Variants in IMMP2L observed in about 807,000 individuals in gnomAD.
IMMP2L encodes the protein mitochondrial inner membrane protease subunit 2.
In IMMP2L, 18 loss-of-function variants were observed where a neutral mutation model predicts 19.3. The observed-to-expected ratio is 0.93, with a 90% CI of 0.64 to 1.38. IMMP2L has a LOEUF of 1.38. Among genes scored for constraint, IMMP2L ranks in the 40% most tolerant of loss-of-function variants. IMMP2L has a pLI of 0.00. For synonymous variants in IMMP2L, 76 were observed against 73.0 expected (o/e 1.04, Z -0.21); for missense variants, 233 against 218.2 (o/e 1.07, Z -0.43).
chr7:111,408,225 CCA>C (rs1834065806), intron 3 of IMMP2L, among the ~76,000 whole-genome samples: 1 of 149,492 alleles, frequency 6.7e-6, no homozygotes, highest in Non-Finnish European at 1.5e-5. Context: ...CAATAAGTGA[CCA>C]ACTTGCAACA....
At chr7:110,996,890 G>C (rs1465079454) in intron 3 of IMMP2L, among the ~76,000 whole-genome samples, 1 of 151,906 alleles carries the variant, frequency 6.6e-6, no homozygotes, top group African/African-American at 2.4e-5. Flanking sequence ...TTAGTTGTGA[G>C]TGTGTGTGTG....
intron 3 of IMMP2L, among the ~76,000 whole-genome samples, chr7:111,316,262 C>T (rs990803247): frequency 2.0e-5 from 3 of 151,916 alleles, no homozygotes; most frequent in Non-Finnish European, 4.4e-5. Flanking sequence ...GCATAAGAAG[C>T]ATAAAGAGTG....
chr7:110,910,129 C>A (rs1348257834), intron 4 of IMMP2L, among the ~76,000 whole-genome samples: 1 of 152,036 alleles, frequency 6.6e-6, no homozygotes, highest in East Asian at 1.9e-4. Flanking sequence ...ACACAGTATA[C>A]AGGAACGATG....
At chr7:111,220,977 T>A (rs1812452355) in intron 3 of IMMP2L, among the ~76,000 whole-genome samples, 1 of 152,064 alleles carries the variant, frequency 6.6e-6, no homozygotes, top group Non-Finnish European at 1.5e-5. Flanking sequence ...AAGGGCCATT[T>A]GCTTACTGAG....
At chr7:110,979,254 T>A (rs1821004218) in intron 3 of IMMP2L, among the ~76,000 whole-genome samples, 1 of 152,124 alleles carries the variant, frequency 6.6e-6, no homozygotes, top group Non-Finnish European at 1.5e-5. Context: ...TCGCTACAAA[T>A]TTGTCTGAAG....
intron 3 of IMMP2L, among the ~76,000 whole-genome samples, chr7:111,309,664 A>G (rs1823285411): frequency 6.6e-6 from 1 of 152,182 alleles, no homozygotes; most frequent in South Asian, 2.1e-4. Context: ...ATTTTCACTA[A>G]CAATTAGCTA....
chr7:111,224,397 A>G (rs540612659), intron 3 of IMMP2L, among the ~76,000 whole-genome samples: 33 of 152,272 alleles, frequency 2.2e-4, no homozygotes, highest in Non-Finnish European at 4.6e-4. Flanking sequence ...GAAAATTTCC[A>G]TGAAAATATA....
intron 3 of IMMP2L, among the ~76,000 whole-genome samples, chr7:111,370,742 C>A (rs1830191003): frequency 6.6e-6 from 1 of 151,868 alleles, no homozygotes; most frequent in Non-Finnish European, 1.5e-5. Flanking sequence ...TCCCCTAAAC[C>A]AGTTTAGTAT....
intron 3 of IMMP2L, among the ~76,000 whole-genome samples, chr7:111,421,586 A>AT (rs1245139162): frequency 2.6e-5 from 4 of 151,466 alleles, no homozygotes; most frequent in African/African-American, 9.8e-5. Context: ...TTTCTTGTAA[A>AT]TTGGTTTGAG....
intron 3 of IMMP2L, among the ~76,000 whole-genome samples, chr7:111,098,587 T>C (rs1797643834): frequency 6.6e-6 from 1 of 151,792 alleles, no homozygotes; most frequent in Non-Finnish European, 1.5e-5. Context: ...GGAATGGTAA[T>C]AATACTGGCA....
At chr7:111,403,916 A>C (rs1833688648) in intron 3 of IMMP2L, among the ~76,000 whole-genome samples, 1 of 152,116 alleles carries the variant, frequency 6.6e-6, no homozygotes, top group Non-Finnish European at 1.5e-5. Context: ...GTCTTTTGAA[A>C]GGTTTGTGTT....
At chr7:111,283,486 G>T (rs1820126293) in intron 3 of IMMP2L, among the ~76,000 whole-genome samples, 2 of 152,182 alleles carry the variant, frequency 1.3e-5, no homozygotes, top group African/African-American at 4.8e-5. Flanking sequence ...GGGAGGTGTT[G>T]AAGTGAATGA....
At chr7:111,160,759 A>T (rs538743457) in intron 3 of IMMP2L, among the ~76,000 whole-genome samples, 30 of 150,516 alleles carry the variant, frequency 2.0e-4, no homozygotes, top group African/African-American at 7.0e-4. Flanking sequence ...TAAAATAAAT[A>T]TAAAAATGAA....
chr7:111,064,780 G>C (rs564537657), intron 3 of IMMP2L, among the ~76,000 whole-genome samples: 113 of 152,262 alleles, frequency 7.4e-4, no homozygotes, highest in African/African-American at 2.5e-3. Flanking sequence ...TACAGTGTTG[G>C]CTTGGGTGAT....
intron 3 of IMMP2L, among the ~76,000 whole-genome samples, chr7:111,021,864 C>T (rs1826314698): frequency 6.8e-6 from 1 of 146,532 alleles, no homozygotes; most frequent in African/African-American, 2.6e-5. Context: ...GCCTGGGTGA[C>T]AGAGTGAGAC....
At chr7:111,006,113 T>C (rs533337180) in intron 3 of IMMP2L, among the ~76,000 whole-genome samples, 1 of 152,168 alleles carries the variant, frequency 6.6e-6, no homozygotes. Context: ...TAAATTATGC[T>C]TACATCTCCC....
In IMMP2L at chr7:111,141,734, G is replaced by A. The variant is rs909562372; in HGVS notation, c.240-178169C>T. Among the ~76,000 whole-genome samples, 4 of 144,530 alleles carry A rather than the reference G, an allele frequency of 2.8e-5. No homozygotes were observed. The South Asian group carries it at 6.2e-4, about 23-fold the overall frequency. 94.8% of individuals were successfully genotyped at this position (144,530 alleles called of 152,430 possible). ...AACCAGGAGCTAGAGATGTTCATTCGTTTGTTTGTTTGTTTAAGAAATGGT... is the reference window on the plus strand; with the variant it reads ...AACCAGGAGCTAGAGATGTTCATTCATTTGTTTGTTTGTTTAAGAAATGGT... On this transcript the variant is annotated intron_variant, in intron 3 of 5. Transcript: ENST00000405709.
intron 5 of IMMP2L, among the ~76,000 whole-genome samples, chr7:110,850,400 G>C (rs143425138): frequency 9.2e-5 from 14 of 152,056 alleles, no homozygotes; most frequent in African/African-American, 3.4e-4. Flanking sequence ...TTCTTTAAAA[G>C]TTTGAAATGA....
At chr7:110,715,147 G>A (rs1455709927) in intron 5 of IMMP2L, among the ~76,000 whole-genome samples, 1 of 151,980 alleles carries the variant, frequency 6.6e-6, no homozygotes, top group Non-Finnish European at 1.5e-5. Flanking sequence ...GTGCTTATTT[G>A]GATCTTCTCT....
Sources: gnomAD v4.1 joint callset for allele counts (sites outside exome capture counted in the v4.1 genomes callset) on GRCh38, gnomAD v4.1.1 for gene constraint, MANE v1.5 for transcripts, NCBI Gene and HGNC (gene_info 2026-07-23, HGNC 2026-07-21) for gene names.